Variants in ANO10 observed in about 807,000 individuals in gnomAD.
The protein encoded by ANO10 is anoctamin-10.
In ANO10, 77 loss-of-function variants were observed where a neutral mutation model predicts 74.7. That is an observed-to-expected ratio of 1.03 (90% CI 0.86 to 1.25). ANO10 has a LOEUF of 1.25. Among genes scored for constraint, ANO10 ranks in the 50% most tolerant of loss-of-function variants. The pLI is 0.00. For missense variants in ANO10, 721 were observed against 778.1 expected, an observed-to-expected ratio of 0.93 and a Z score of 0.87; for synonymous variants, 279 against 284.9, an observed-to-expected ratio of 0.98 and a Z score of 0.21.
At chr3:43,518,656 G>A (rs922500846) in intron 11 of ANO10, among the ~76,000 whole-genome samples, 1 of 152,060 alleles carries the variant, frequency 6.6e-6, no homozygotes, top group Non-Finnish European at 1.5e-5. Context: ...CCTAGGGGGA[G>A]GTCTCTAAAA....
intron 12 of ANO10, among the ~76,000 whole-genome samples, chr3:43,370,665 C>A (rs1353574850): frequency 6.6e-6 from 1 of 152,196 alleles, no homozygotes; most frequent in Non-Finnish European, 1.5e-5. Context: ...GAGCTGACGA[C>A]TTCTCCAAAA....
chr3:43,435,341 T>G lies in ANO10; in HGVS notation c.1798-2614A>C, dbSNP rs1005484839. ...CTGGACAACTTGGGGAAACCCCATC[T>G]CCACTAGAAATACAAAAATTAGCCA... On this transcript the variant is annotated intron_variant, in intron 11 of 12. Coordinates refer to ENST00000292246, the MANE Select transcript of ANO10 (RefSeq NM_018075.5). 3.3e-5 allele frequency among the ~76,000 whole-genome samples: 5 copies of G among 152,104 alleles called. No homozygotes were observed. The South Asian group carries it at 8.3e-4, about 25-fold the overall frequency.
chr3:43,547,147 C>T (rs2079231442), intron 11 of ANO10, among the ~76,000 whole-genome samples: 1 of 152,102 alleles, frequency 6.6e-6, no homozygotes, highest in South Asian at 2.1e-4. Context: ...AAATGTTTTT[C>T]ATATGCTGAA....
intron 1 of ANO10, among the ~76,000 whole-genome samples, chr3:43,671,466 A>G (rs953932008): frequency 1.3e-5 from 2 of 152,194 alleles, no homozygotes; most frequent in Non-Finnish European, 2.9e-5. Flanking sequence ...CTCAAGGAAG[A>G]AAACATAGGC....
intron 1 of ANO10, among the ~76,000 whole-genome samples, chr3:43,608,491 T>C (rs1355625863): frequency 6.6e-6 from 1 of 152,138 alleles, no homozygotes; most frequent in Non-Finnish European, 1.5e-5. Flanking sequence ...TCTCGAACTC[T>C]TGGGCTCGAG....
intron 9 of ANO10, among the ~76,000 whole-genome samples, 182 bp from the exon 10 acceptor site, chr3:43,555,651 A>G (rs531355030): frequency 3.9e-5 from 6 of 152,344 alleles, no homozygotes; most frequent in Non-Finnish European, 8.8e-5. Flanking sequence ...ACACACATGC[A>G]ATAATAATTT....
At chr3:43,596,553 C>T (rs566418951) in intron 4 of ANO10, among the ~76,000 whole-genome samples, 130 of 151,974 alleles carry the variant, frequency 8.6e-4, no homozygotes, top group African/African-American at 2.8e-3. Flanking sequence ...GAAAACTGGC[C>T]AGCCATATAT....
intron 11 of ANO10, among the ~76,000 whole-genome samples, chr3:43,489,651 A>G (rs2076641630): frequency 6.6e-6 from 1 of 152,192 alleles, no homozygotes; most frequent in Non-Finnish European, 1.5e-5. Context: ...ACAGTTAGAC[A>G]GAATGAATTC....
At chr3:43,659,370 C>T (rs999357152) in intron 1 of ANO10, among the ~76,000 whole-genome samples, 1 of 152,164 alleles carries the variant, frequency 6.6e-6, no homozygotes, top group Non-Finnish European at 1.5e-5. Context: ...GTGCTTTTCC[C>T]ATGGTCTCTG....
intron 10 of ANO10, among the ~76,000 whole-genome samples, chr3:43,553,923 T>C (rs1185975797): frequency 6.6e-6 from 1 of 152,244 alleles, no homozygotes; most frequent in Non-Finnish European, 1.5e-5. Context: ...GAGCTTTTTA[T>C]TTCAATTATG....
intron 1 of ANO10, among the ~76,000 whole-genome samples, chr3:43,634,676 C>T (rs1306784545): frequency 2.6e-5 from 4 of 152,130 alleles, no homozygotes; most frequent in Non-Finnish European, 5.9e-5. Flanking sequence ...TCATTTATTC[C>T]CATCTGGTGA....
intron 1 of ANO10, among the ~76,000 whole-genome samples, chr3:43,679,207 C>T (rs1222761808): frequency 6.6e-6 from 1 of 152,212 alleles, no homozygotes; most frequent in Admixed American, 6.5e-5. Flanking sequence ...AAAGGGGTGA[C>T]AGATGGCACC....
intron 1 of ANO10, among the ~76,000 whole-genome samples, chr3:43,614,584 G>A (rs956075800): frequency 9.9e-5 from 15 of 151,860 alleles, no homozygotes; most frequent in South Asian, 6.2e-4. Context: ...AAAATGGAAA[G>A]AACCCAGTTT....
At chr3:43,572,669 T>C (rs2149388713) in intron 7 of ANO10, among the ~76,000 whole-genome samples, 1 of 152,328 alleles carries the variant, frequency 6.6e-6, no homozygotes, top group Non-Finnish European at 1.5e-5. Context: ...AGGAGTTCCC[T>C]GCTCAAGAAC....
intron 11 of ANO10, among the ~76,000 whole-genome samples, chr3:43,532,056 A>G (rs1197856071): frequency 6.6e-6 from 1 of 152,220 alleles, no homozygotes; most frequent in Non-Finnish European, 1.5e-5. Flanking sequence ...AGCCCTATGT[A>G]TGACATCAAC....
At chr3:43,489,296 T>G (rs1248233639) in intron 11 of ANO10, among the ~76,000 whole-genome samples, 1 of 151,814 alleles carries the variant, frequency 6.6e-6, no homozygotes, top group Admixed American at 6.6e-5. Context: ...AATGTGCACA[T>G]GTACCCTAAA....
intron 11 of ANO10, among the ~76,000 whole-genome samples, chr3:43,478,024 C>A (rs2076137250): frequency 1.3e-5 from 2 of 152,118 alleles, no homozygotes; most frequent in Admixed American, 6.6e-5. Context: ...TGTGCCAGGC[C>A]CTATTCTAAG....
At chr3:43,612,152 A>T (rs1181113449) in intron 1 of ANO10, among the ~76,000 whole-genome samples, 1 of 108,200 alleles carries the variant, frequency 9.2e-6, no homozygotes, top group Non-Finnish European at 1.9e-5. Flanking sequence ...ATATATATAT[A>T]TATATATATA....
intron 11 of ANO10, among the ~76,000 whole-genome samples, chr3:43,494,794 T>G (rs2076856835): frequency 6.6e-6 from 1 of 152,168 alleles, no homozygotes; most frequent in African/African-American, 2.4e-5. Flanking sequence ...ACAGAGACAG[T>G]GAATACGTTT....
Sources: gnomAD v4.1 joint callset for allele counts (sites outside exome capture counted in the v4.1 genomes callset) on GRCh38, gnomAD v4.1.1 for gene constraint, MANE v1.5 for transcripts, NCBI Gene and HGNC (gene_info 2026-07-23, HGNC 2026-07-21) for gene names.